The following LGSN variants were observed in gnomAD, a reference collection of about 807,000 sequenced individuals.
The protein encoded by LGSN is lengsin, lens protein with glutamine synthetase domain, also known as lengsin.
Under a neutral mutation model 19.5 loss-of-function variants are expected in LGSN, and 21 were observed. That is an observed-to-expected ratio of 1.07 (90% CI 0.76 to 1.55). LGSN has a LOEUF of 1.55. Ranked by LOEUF, LGSN falls within the 40% of genes most tolerant of loss-of-function variation. The probability of loss-of-function intolerance (pLI) is 0.00; values close to 1 mark genes in which losing one functional copy is unlikely to be tolerated. For missense variants in LGSN, 673 were observed against 608.5 expected (o/e 1.11, Z -1.12); for synonymous variants, 257 against 215.6 (o/e 1.19, Z -1.68).
At chr6:63,544,977 T>G in the LGSN span, among the ~76,000 whole-genome samples, 2 of 152,212 alleles carry the variant, frequency 1.3e-5, 1 homozygote, top group Non-Finnish European at 2.9e-5. Flanking sequence ...CATGCACTAG[T>G]TTTATCATCC....
the LGSN span, among the ~76,000 whole-genome samples, chr6:63,325,660 CG>C: frequency 1.3e-5 from 2 of 152,144 alleles, no homozygotes; most frequent in African/African-American, 4.8e-5. Context: ...CAGACCCTCA[CG>C]GTGAGTGTTA....
the LGSN span, chr6:63,441,605 G>A: frequency 2.2e-6 from 1 of 460,474 alleles, no homozygotes; most frequent in Admixed American, 2.6e-5. Context: ...AGCGAGCTAA[G>A]GAAGCTCAGG....
chr6:63,392,799 G>C, the LGSN span, among the ~76,000 whole-genome samples: 1,927 of 151,296 alleles, frequency 0.013, 18 homozygotes, highest in Non-Finnish European at 0.019. Flanking sequence ...TTCTAATGAA[G>C]AGCAGTCTGT....
At chr6:63,402,263 T>C in the LGSN span, among the ~76,000 whole-genome samples, 2 of 152,188 alleles carry the variant, frequency 1.3e-5, no homozygotes, top group Admixed American at 1.3e-4. Flanking sequence ...TCCAGTGGTG[T>C]TCAGATAGCC....
chr6:63,324,285 A>T (rs1029491944), upstream of LGSN, among the ~76,000 whole-genome samples: 1 of 152,198 alleles, frequency 6.6e-6, no homozygotes, highest in African/African-American at 2.4e-5. Flanking sequence ...CCAGCAGATT[A>T]AAGACTTGAG....
chr6:63,434,604 C>CAAAAAA, the LGSN span, among the ~76,000 whole-genome samples: 12 of 62,888 alleles, frequency 1.9e-4, no homozygotes, highest in South Asian at 5.9e-4. Context: ...ACTAAAAATT[C>CAAAAAA]AAAAAAAAAA....
chr6:63,433,437 A>G, the LGSN span, among the ~76,000 whole-genome samples: 100 of 152,348 alleles, frequency 6.6e-4, no homozygotes, highest in African/African-American at 2.2e-3. Context: ...AATAAATAGC[A>G]GAGGCAGGAT....
chr6:63,544,506 T>G, the LGSN span, among the ~76,000 whole-genome samples: 1 of 152,174 alleles, frequency 6.6e-6, no homozygotes, highest in African/African-American at 2.4e-5. Flanking sequence ...TTAGCTCATC[T>G]ACACTAGCTA....
At chr6:63,390,876 AAG>A in the LGSN span, among the ~76,000 whole-genome samples, 2,183 of 147,518 alleles carry the variant, frequency 0.015, 61 homozygotes, top group African/African-American at 0.054. Context: ...AAAAAAAAAA[AAG>A]AAAAGAAAAT....
the LGSN span, among the ~76,000 whole-genome samples, chr6:63,404,580 G>C: frequency 1.1e-4 from 16 of 152,176 alleles, no homozygotes; most frequent in South Asian, 4.1e-4. Context: ...CTTTCTTATA[G>C]ATGGACATCT....
chr6:63,360,691 C>T, the LGSN span, among the ~76,000 whole-genome samples: 7 of 152,242 alleles, frequency 4.6e-5, no homozygotes, highest in Non-Finnish European at 1.0e-4. Context: ...TGTTCTATTG[C>T]TGGTGAGGAG....
At position 63,276,056 on chromosome 6, in the gene LGSN, G is replaced by A. The variant is rs1442604720; in HGVS notation, c.*3965C>T. 1 of 152,196 alleles carries A rather than the reference G, an allele frequency of 6.6e-6. No individual in the cohort carries two copies. Among genetic ancestry groups the A allele is most frequent in the African/African-American group, 2.4e-5 (1 of 41,448 alleles). 9.4% of individuals were successfully genotyped at this position (152,196 alleles called of 1,614,324 possible). On this transcript the variant is annotated 3_prime_UTR_variant, in exon 4 of 4. Coordinates refer to ENST00000370657, the MANE Select transcript of LGSN (RefSeq NM_016571.3). ...AGGCAGCATGAGAAGAGCTTTAACA[G>A]GGAAGGCACTGTGCACATAGGTAAT...
the LGSN span, among the ~76,000 whole-genome samples, chr6:63,444,655 G>T: frequency 6.6e-6 from 1 of 152,126 alleles, no homozygotes; most frequent in African/African-American, 2.4e-5. Flanking sequence ...TGAGAAGCAG[G>T]ACTTTATGAA....
the LGSN span, among the ~76,000 whole-genome samples, chr6:63,459,772 G>A: frequency 6.6e-5 from 10 of 152,090 alleles, no homozygotes; most frequent in African/African-American, 2.4e-4. Context: ...AAATTAGCCA[G>A]GCGTGGTTGT....
chr6:63,294,957 A>G lies in LGSN; in HGVS notation c.119T>C (p.Val40Ala). The change falls in exon 2 of 4, where the codon GTT becomes GCT. Residue 40 changes from valine to alanine, a missense_variant. Coordinates refer to ENST00000370657, the MANE Select transcript of LGSN (RefSeq NM_016571.3). ...RTRKKVTKPY[V>A]CSTEVGETDM... ...CGTTTCTCCCACTTCAGTTGAACAA[A>G]CATATGGTTTAGTGACTTTCTTCCT... 6.2e-7 allele frequency: 1 copy of G among 1,613,822 alleles called. No individual in the cohort carries two copies. Among genetic ancestry groups the G allele is most frequent in the African/African-American group, 1.3e-5 (1 of 75,026 alleles).
At chr6:63,404,855 G>A in the LGSN span, among the ~76,000 whole-genome samples, 1 of 151,634 alleles carries the variant, frequency 6.6e-6, no homozygotes, top group African/African-American at 2.4e-5. Context: ...TGCACAATGT[G>A]CAGGTTAGTT....
the LGSN span, among the ~76,000 whole-genome samples, chr6:63,353,944 C>A: frequency 6.6e-6 from 1 of 152,004 alleles, no homozygotes; most frequent in African/African-American, 2.4e-5. Context: ...GATATTTATA[C>A]ACAGAAGAAT....
the LGSN span, among the ~76,000 whole-genome samples, chr6:63,518,276 C>T: frequency 2.0e-5 from 3 of 152,068 alleles, no homozygotes; most frequent in Non-Finnish European, 4.4e-5. Flanking sequence ...TGCTATTTTG[C>T]TTTCCCTAAT....
chr6:63,452,323 A>G, the LGSN span, among the ~76,000 whole-genome samples: 1 of 152,104 alleles, frequency 6.6e-6, no homozygotes, highest in Non-Finnish European at 1.5e-5. Flanking sequence ...ATCATAGCTC[A>G]CTGCAACCTC....
Sources: gnomAD v4.1 joint callset for allele counts (sites outside exome capture counted in the v4.1 genomes callset) on GRCh38, gnomAD v4.1.1 for gene constraint, MANE v1.5 for transcripts, NCBI Gene and HGNC (gene_info 2026-07-23, HGNC 2026-07-21) for gene names.